B3GALT1: variants seen among roughly 807,000 people sequenced by gnomAD.
B3GALT1 encodes beta-1,3-galactosyltransferase 1.
B3GALT1 carries 10 observed loss-of-function variants against 23.2 expected under a neutral mutation model. The observed-to-expected ratio is 0.43, with a 90% CI of 0.27 to 0.73. The LOEUF (loss-of-function observed/expected upper bound fraction) is 0.73. Ranked by LOEUF, B3GALT1 falls within the 30% of genes least tolerant of loss-of-function variation. B3GALT1 has a pLI of 0.21. For missense variants in B3GALT1, 299 were observed against 405.4 expected (o/e 0.74, Z 2.25); for synonymous variants, 156 against 141.5 (o/e 1.10, Z -0.73).
At chr2:167,649,409 A>T (rs1245383351) in intron 3 of B3GALT1, among the ~76,000 whole-genome samples, 1 of 152,026 alleles carries the variant, frequency 6.6e-6, no homozygotes, top group East Asian at 1.9e-4. Context: ...GTTTTAAAAT[A>T]TTTTTGTCAC....
chr2:167,834,416 TTGGCTTGTCC>T (rs1400125115), intron 4 of B3GALT1, among the ~76,000 whole-genome samples: 1 of 152,208 alleles, frequency 6.6e-6, no homozygotes, highest in African/African-American at 2.4e-5. Context: ...TGGAGAAAGA[TTGGCTTGTCC>T]TGGCTTGTCC....
intron 3 of B3GALT1, among the ~76,000 whole-genome samples, chr2:167,686,636 C>G (rs1188563938): frequency 6.6e-6 from 1 of 152,182 alleles, no homozygotes; most frequent in Admixed American, 6.5e-5. Context: ...CAAAGCCAGT[C>G]AAGTTTTCTA....
intron 4 of B3GALT1, among the ~76,000 whole-genome samples, chr2:167,839,978 G>A (rs1475707836): frequency 6.6e-6 from 1 of 152,088 alleles, no homozygotes; most frequent in East Asian, 1.9e-4. Flanking sequence ...CTAGCCATAT[G>A]TAGAAAGCTG....
chr2:167,297,550 G>A (rs530666160), intron 1 of B3GALT1, among the ~76,000 whole-genome samples: 1 of 152,216 alleles, frequency 6.6e-6, no homozygotes, highest in South Asian at 2.1e-4. Context: ...TGCGTATGCA[G>A]TCAGTCCAAT....
intron 3 of B3GALT1, chr2:167,714,547 A>C: frequency 1.2e-6 from 2 of 1,613,142 alleles, no homozygotes; most frequent in Non-Finnish European, 1.7e-6. Flanking sequence ...TATTTGAAAC[A>C]TCAAGTGCAT....
At chr2:167,760,040 G>A (rs1466232329) in intron 3 of B3GALT1, among the ~76,000 whole-genome samples, 1 of 152,108 alleles carries the variant, frequency 6.6e-6, no homozygotes, top group African/African-American at 2.4e-5. Flanking sequence ...CATTGAGGGA[G>A]TCTCAACCCA....
intron 3 of B3GALT1, chr2:167,715,366 T>A: frequency 3.7e-6 from 6 of 1,613,910 alleles, no homozygotes; most frequent in Non-Finnish European, 4.2e-6. Context: ...TCACTTGTTC[T>A]TTCCATACTT....
intron 3 of B3GALT1, among the ~76,000 whole-genome samples, chr2:167,706,989 G>A (rs1465154587): frequency 6.6e-6 from 1 of 152,146 alleles, no homozygotes; most frequent in Non-Finnish European, 1.5e-5. Flanking sequence ...CTCTTGGAAT[G>A]CTTGATTTTG....
chr2:167,451,182 T>C (rs1486032630), intron 1 of B3GALT1, among the ~76,000 whole-genome samples: 1 of 152,146 alleles, frequency 6.6e-6, no homozygotes, highest in Non-Finnish European at 1.5e-5. Flanking sequence ...ACCTTCTGAA[T>C]TCTTTTTCAA....
chr2:167,435,059 T>C (rs1428730246), intron 1 of B3GALT1, among the ~76,000 whole-genome samples: 1 of 151,974 alleles, frequency 6.6e-6, no homozygotes, highest in African/African-American at 2.4e-5. Context: ...ATGATTTTGA[T>C]AAAACCATAT....
chr2:167,470,203 C>T (rs1172433878), intron 1 of B3GALT1, among the ~76,000 whole-genome samples: 5 of 152,098 alleles, frequency 3.3e-5, no homozygotes, highest in African/African-American at 1.2e-4. Context: ...TTAATAATAT[C>T]AAGAAGGTCC....
intron 2 of B3GALT1, among the ~76,000 whole-genome samples, chr2:167,636,932 T>C (rs1685566279): frequency 6.6e-6 from 1 of 151,984 alleles, no homozygotes; most frequent in African/African-American, 2.4e-5. Flanking sequence ...TGTGTATACC[T>C]ATGTAACAAA....
intron 2 of B3GALT1, among the ~76,000 whole-genome samples, chr2:167,636,835 G>A (rs1685564967): frequency 6.6e-6 from 1 of 152,002 alleles, no homozygotes; most frequent in Non-Finnish European, 1.5e-5. Flanking sequence ...GGGCCTGTCA[G>A]TGGGTGGGGG....
chr2:167,766,976 G>T (rs1015578083), intron 3 of B3GALT1, among the ~76,000 whole-genome samples: 2 of 152,076 alleles, frequency 1.3e-5, no homozygotes, highest in African/African-American at 4.8e-5. Context: ...TGCTATGATT[G>T]TGCTTTGTCT....
At chr2:167,508,465 A>G (rs368763242) in intron 2 of B3GALT1, among the ~76,000 whole-genome samples, 1 of 151,804 alleles carries the variant, frequency 6.6e-6, no homozygotes, top group South Asian at 2.1e-4. Context: ...TCACCGTGTT[A>G]GCCAGGATAG....
At chr2:167,423,011 C>G (rs1408760112) in intron 1 of B3GALT1, among the ~76,000 whole-genome samples, 1 of 152,056 alleles carries the variant, frequency 6.6e-6, no homozygotes, top group Non-Finnish European at 1.5e-5. Flanking sequence ...AGATTCCCAG[C>G]AAAGGAATAT....
intron 1 of B3GALT1, among the ~76,000 whole-genome samples, chr2:167,364,560 T>C (rs1006576367): frequency 3.9e-5 from 6 of 152,044 alleles, no homozygotes; most frequent in Non-Finnish European, 8.8e-5. Context: ...CATTGTTCAG[T>C]TCCCACCTAT....
At chr2:167,350,946 T>C (rs538523573) in intron 1 of B3GALT1, among the ~76,000 whole-genome samples, 1 of 152,320 alleles carries the variant, frequency 6.6e-6, no homozygotes, top group East Asian at 1.9e-4. Flanking sequence ...TATTCCATCC[T>C]GTGGCACTAC....
chr2:167,599,545 T>G (rs909562529), intron 2 of B3GALT1, among the ~76,000 whole-genome samples: 3 of 152,212 alleles, frequency 2.0e-5, no homozygotes, highest in African/African-American at 7.2e-5. Flanking sequence ...TCATGATGCA[T>G]GTGTTGGAGA....
Sources: gnomAD v4.1 joint callset for allele counts (sites outside exome capture counted in the v4.1 genomes callset) on GRCh38, gnomAD v4.1.1 for gene constraint, MANE v1.5 for transcripts, NCBI Gene and HGNC (gene_info 2026-07-23, HGNC 2026-07-21) for gene names.